Variants in EYS observed in about 807,000 individuals in gnomAD.
EYS encodes EGF-like photoreceptor maintenance factor.
A neutral mutation model predicts 282.1 loss-of-function variants in EYS; 250 were observed. That is an observed-to-expected ratio of 0.89 (90% CI 0.80 to 0.98). The LOEUF (loss-of-function observed/expected upper bound fraction) is 0.98. EYS is among the 50% of genes least tolerant of loss of function. The probability of loss-of-function intolerance (pLI) is 0.00; values close to 1 mark genes in which losing one functional copy is unlikely to be tolerated. For missense variants in EYS, 4,016 were observed against 3,709.0 expected, an observed-to-expected ratio of 1.08 and a Z score of -2.15; for synonymous variants, 1,355 against 1,282.9, an observed-to-expected ratio of 1.06 and a Z score of -1.20.
At chr6:64,272,325 G>C (rs1209454402) in intron 30 of EYS, among the ~76,000 whole-genome samples, 1 of 152,146 alleles carries the variant, frequency 6.6e-6, no homozygotes, top group Non-Finnish European at 1.5e-5. Flanking sequence ...TATGATGCTA[G>C]CTGGTTATTT....
Position 65,476,570 on chromosome 6 carries a change from A to G in EYS, c.862+14024T>C, listed in dbSNP as rs1765411970. Among the ~76,000 whole-genome samples the G allele has an allele frequency of 2.6e-5, 4 of 151,056 alleles. No individual in the cohort carries two copies. The South Asian group carries it at 8.3e-4, about 32-fold the overall frequency. On this transcript the variant is annotated intron_variant, in intron 5 of 42. Transcript: ENST00000503581. ...AGGAAATGTTCATTTATTACAAGCTATTTCTAAAACTGCTTTTTTTTTTTT... is the reference window on the plus strand; with the variant it reads ...AGGAAATGTTCATTTATTACAAGCTGTTTCTAAAACTGCTTTTTTTTTTTT...
intron 5 of EYS, among the ~76,000 whole-genome samples, chr6:65,422,271 T>A (rs2150377842): frequency 6.6e-6 from 1 of 152,010 alleles, no homozygotes; most frequent in South Asian, 2.1e-4. Flanking sequence ...AAGCTTCCAA[T>A]CTAATCTCAA....
At chr6:64,995,162 G>A (rs1771208337) in intron 14 of EYS, among the ~76,000 whole-genome samples, 1 of 152,104 alleles carries the variant, frequency 6.6e-6, no homozygotes, top group African/African-American at 2.4e-5. Context: ...GGTGCTTCAT[G>A]TCATCATGAC....
At chr6:65,547,947 A>G (rs760843863) in intron 2 of EYS, among the ~76,000 whole-genome samples, 1 of 152,088 alleles carries the variant, frequency 6.6e-6, no homozygotes, top group Non-Finnish European at 1.5e-5. Flanking sequence ...GGCTAGATAG[A>G]CTCTCCAAAT....
At chr6:64,050,342 T>C (rs370311621) in intron 33 of EYS, among the ~76,000 whole-genome samples, 2 of 152,190 alleles carry the variant, frequency 1.3e-5, no homozygotes, top group African/African-American at 4.8e-5. Context: ...ACTAACTATA[T>C]ACTTGTTTAC....
chr6:65,627,802 A>C (rs981203468), intron 2 of EYS, among the ~76,000 whole-genome samples: 1 of 152,154 alleles, frequency 6.6e-6, no homozygotes, highest in African/African-American at 2.4e-5. Flanking sequence ...CGGGACCTGC[A>C]GCCCGCCATG....
chr6:65,312,202 A>T (rs1769179253), intron 11 of EYS, among the ~76,000 whole-genome samples: 1 of 151,102 alleles, frequency 6.6e-6, no homozygotes, highest in African/African-American at 2.4e-5. Flanking sequence ...TGCCTTTAAT[A>T]TGTTTCCTTT....
rs183859300 is a variant in EYS, at chr6:64,688,791, G to A, written c.3444-62546C>T. Among the ~76,000 whole-genome samples, 364 of 152,214 alleles carry A rather than the reference G, an allele frequency of 2.4e-3. 2 individuals carry two copies. In the South Asian group the frequency reaches 0.037, roughly 15 times the overall value. On this transcript the variant is annotated intron_variant, in intron 22 of 42. Coordinates refer to ENST00000503581, the MANE Select transcript of EYS (RefSeq NM_001142800.2). ...TCCTGGATATCCTTGTTAACTTTCT[G>A]TCTCGTGGATATGTCTAATGTTGAC...
At chr6:64,890,342 C>T (rs1203636630) in intron 18 of EYS, among the ~76,000 whole-genome samples, 2 of 152,114 alleles carry the variant, frequency 1.3e-5, no homozygotes, top group South Asian at 4.1e-4. Flanking sequence ...GTAACCCACA[C>T]CTATTCGCAC....
At position 64,945,886 on chromosome 6, in the gene EYS, C is replaced by A. The variant is rs565644550; in HGVS notation, c.2288G>T (p.Trp763Leu). 4.5e-6 allele frequency: 7 copies of A among 1,547,860 alleles called. No individual in the cohort carries two copies. Among genetic ancestry groups the A allele is most frequent in the Non-Finnish European group, 6.1e-6 (7 of 1,144,328 alleles). Residue 763 changes from tryptophan (W) to leucine (L), a missense_variant, in exon 15 of 43, where the codon TGG becomes TTG. By Grantham distance (61) the Trp-to-Leu change is moderately conservative. Coordinates refer to ENST00000503581, the MANE Select transcript of EYS (RefSeq NM_001142800.2). ...TTCTTGTTCACAAAAATTTCCTTCC[C>A]AATCAGATAGGCACACACACTGGTA... Reference protein sequence around the residue: ...LSYQCVCLSDWEGNFCEQESN... With the variant: ...LSYQCVCLSDLEGNFCEQESN...
chr6:64,603,795 A>T (rs1766835786), intron 24 of EYS, among the ~76,000 whole-genome samples: 1 of 151,100 alleles, frequency 6.6e-6, no homozygotes, highest in South Asian at 2.1e-4. Flanking sequence ...TTATATAGAT[A>T]GTACTACAGA....
intron 26 of EYS, among the ~76,000 whole-genome samples, chr6:64,531,435 G>A (rs1416474115): frequency 2.0e-5 from 3 of 149,264 alleles, no homozygotes; most frequent in Middle Eastern, 3.5e-3. Flanking sequence ...TTGCCCACCT[G>A]GAGTGCAGTG....
intron 2 of EYS, among the ~76,000 whole-genome samples, chr6:65,566,811 T>G (rs948411112): frequency 6.6e-6 from 1 of 152,144 alleles, no homozygotes; most frequent in African/African-American, 2.4e-5. Context: ...GATTTAGTAG[T>G]TTAAAAAATC....
At chr6:64,709,887 G>GT (rs1192391084) in intron 22 of EYS, among the ~76,000 whole-genome samples, 2 of 152,014 alleles carry the variant, frequency 1.3e-5, no homozygotes, top group African/African-American at 4.8e-5. Context: ...TTTTAACCTG[G>GT]TTTTTTTCTG....
rs139979493 is a variant in EYS, at chr6:64,484,301, T to C, written c.5645-44949A>G. Among the ~76,000 whole-genome samples, 94 of 151,736 alleles carry C rather than the reference T, an allele frequency of 6.2e-4. 1 individual carries two copies. In the East Asian group the frequency reaches 0.014, roughly 23 times the overall value. On this transcript the variant is annotated intron_variant, in intron 26 of 42. Coordinates refer to ENST00000503581, the MANE Select transcript of EYS (RefSeq NM_001142800.2). ...GCCTACTAAACAAAGTCAGATTATG[T>C]TGATTCAGCAAAGTTATGGGGTTCT...
intron 40 of EYS, among the ~76,000 whole-genome samples, chr6:63,763,926 C>T (rs1168069743): frequency 6.9e-6 from 1 of 144,858 alleles, no homozygotes; most frequent in Admixed American, 7.0e-5. Context: ...TTTGTCAGGG[C>T]ACCGTGTGTT....
At chr6:65,127,518 T>A (rs183978368) in intron 12 of EYS, among the ~76,000 whole-genome samples, 1 of 152,286 alleles carries the variant, frequency 6.6e-6, no homozygotes, top group East Asian at 1.9e-4. Flanking sequence ...GCAATGGTTT[T>A]AATATAACCA....
chr6:64,185,852 G>T (rs1401625918), intron 31 of EYS, among the ~76,000 whole-genome samples: 2 of 152,090 alleles, frequency 1.3e-5, no homozygotes, highest in Non-Finnish European at 2.9e-5. Flanking sequence ...TACACATATT[G>T]TCTAATCCTT....
intron 1 of EYS, among the ~76,000 whole-genome samples, chr6:65,693,041 C>T (rs779467285): frequency 6.7e-6 from 1 of 149,834 alleles, no homozygotes; most frequent in Non-Finnish European, 1.5e-5. Flanking sequence ...TGAGACAAAG[C>T]TTTGTAAAAT....
Sources: gnomAD v4.1 joint callset for allele counts (sites outside exome capture counted in the v4.1 genomes callset) on GRCh38, gnomAD v4.1.1 for gene constraint, MANE v1.5 for transcripts, NCBI Gene and HGNC (gene_info 2026-07-23, HGNC 2026-07-21) for gene names.